The following MBD2 variants were observed in gnomAD, a reference collection of about 807,000 sequenced individuals.
The protein encoded by MBD2 is methyl-CpG-binding domain protein 2.
MBD2 carries 9 observed loss-of-function variants against 39.3 expected under a neutral mutation model. The observed-to-expected ratio is 0.23, with a 90% CI of 0.14 to 0.40. The LOEUF (loss-of-function observed/expected upper bound fraction) is 0.40, where lower values mean the gene tolerates loss of function less well. Among genes scored for constraint, MBD2 ranks in the 10% least tolerant of loss-of-function variants. MBD2 has a pLI of 1.00. For missense variants in MBD2, 458 were observed against 532.6 expected, an observed-to-expected ratio of 0.86 and a Z score of 1.38; for synonymous variants, 233 against 211.1, an observed-to-expected ratio of 1.10 and a Z score of -0.90.
At chr18:54,156,322 C>T (rs2086051252) in intron 6 of MBD2, among the ~76,000 whole-genome samples, 1 of 152,164 alleles carries the variant, frequency 6.6e-6, no homozygotes, top group Admixed American at 6.5e-5. Flanking sequence ...GGGAAGATAA[C>T]ATAAATAATT....
intron 2 of MBD2, among the ~76,000 whole-genome samples, chr18:54,201,859 T>A (rs1270323066): frequency 3.7e-5 from 5 of 136,752 alleles, no homozygotes; most frequent in African/African-American, 5.6e-5. Flanking sequence ...CGAGACTCCA[T>A]CTCAAAAAAA....
At chr18:54,175,509 T>C (rs886102259) in intron 3 of MBD2, among the ~76,000 whole-genome samples, 1 of 152,224 alleles carries the variant, frequency 6.6e-6, no homozygotes, top group Non-Finnish European at 1.5e-5. Context: ...CCAACTTCTC[T>C]TCTCACATTT....
At chr18:54,161,105 C>T (rs1192951590) in intron 5 of MBD2, among the ~76,000 whole-genome samples, 1 of 152,154 alleles carries the variant, frequency 6.6e-6, no homozygotes, top group Admixed American at 6.5e-5. Flanking sequence ...TGAGTATTCA[C>T]TCCATAGGGG....
intron 3 of MBD2, among the ~76,000 whole-genome samples, chr18:54,183,025 G>T (rs762928351): frequency 6.6e-6 from 1 of 152,204 alleles, no homozygotes; most frequent in Non-Finnish European, 1.5e-5. Flanking sequence ...CAGGAGGTAG[G>T]ATCGATAGGA....
chr18:54,172,430 T>C (rs1482952776), intron 3 of MBD2, among the ~76,000 whole-genome samples: 2 of 152,168 alleles, frequency 1.3e-5, no homozygotes. Flanking sequence ...GGAGCAAGTA[T>C]TTCAAAAAAT....
chr18:54,206,615 A>C (rs1022922654), intron 1 of MBD2, among the ~76,000 whole-genome samples: 1 of 152,134 alleles, frequency 6.6e-6, no homozygotes, highest in African/African-American at 2.4e-5. Flanking sequence ...CTTGTCACAA[A>C]CTCTTTGGTA....
At chr18:54,177,605 G>A (rs923290939) in intron 3 of MBD2, among the ~76,000 whole-genome samples, 1 of 151,372 alleles carries the variant, frequency 6.6e-6, no homozygotes, top group Non-Finnish European at 1.5e-5. Flanking sequence ...CTCGGCCTCC[G>A]GAGTAGCTGG....
intron 2 of MBD2, among the ~76,000 whole-genome samples, chr18:54,197,717 C>A (rs114501397): frequency 0.017 from 2,601 of 152,274 alleles, 70 homozygotes; most frequent in African/African-American, 0.058. Context: ...CCACTTCTAT[C>A]TCCACGGGCA....
chr18:54,196,716 C>T (rs944226554), intron 2 of MBD2, among the ~76,000 whole-genome samples: 1 of 152,132 alleles, frequency 6.6e-6, no homozygotes, highest in Non-Finnish European at 1.5e-5. Flanking sequence ...ACTCTGTCTC[C>T]GAATCTCCCT....
intron 5 of MBD2, among the ~76,000 whole-genome samples, chr18:54,163,170 G>C (rs949573024): frequency 6.6e-6 from 1 of 152,148 alleles, no homozygotes; most frequent in African/African-American, 2.4e-5. Context: ...TACTCGGGCG[G>C]CTGAGGCAGG....
chr18:54,160,778 T>C (rs1368959292), intron 5 of MBD2, among the ~76,000 whole-genome samples: 1 of 150,108 alleles, frequency 6.7e-6, no homozygotes, highest in Non-Finnish European at 1.5e-5. Flanking sequence ...GAAGCAAAGG[T>C]TGAAGAAAGA....
In MBD2 at chr18:54,190,201, T is replaced by A. The variant is rs554867167; in HGVS notation, c.703-1190A>T. ...AGTGTTCCTTATTTTTAATATACAG[T>A]AGGTCTTTGAATAATGTCGTTTTGT... On this transcript the variant is annotated intron_variant, in intron 2 of 6. Coordinates refer to ENST00000256429, the MANE Select transcript of MBD2 (RefSeq NM_003927.5). Among the ~76,000 whole-genome samples, 32 of 152,270 alleles carry A rather than the reference T, an allele frequency of 2.1e-4. No individual in the cohort carries two copies. The East Asian group carries it at 2.7e-3, about 13-fold the overall frequency.
At chr18:54,165,015 A>T (rs1010255056) in intron 4 of MBD2, among the ~76,000 whole-genome samples, 1 of 152,246 alleles carries the variant, frequency 6.6e-6, no homozygotes, top group Non-Finnish European at 1.5e-5. Flanking sequence ...TTTCCAAGGT[A>T]CTAAACTTTT....
At position 54,224,076 on chromosome 18, in the gene MBD2, C is replaced by T; in HGVS notation, c.484G>A (p.Glu162Lys). 6.2e-7 allele frequency: 1 copy of T among 1,602,566 alleles called. No individual in the cohort carries two copies. The highest frequency in any genetic ancestry group is 8.5e-7 in the Non-Finnish European group (1 of 1,176,708). The change falls in exon 1 of 7, where the codon GAG (glutamate) becomes AAG (lysine). Residue 162 changes from glutamate to lysine, a missense_variant. By Grantham distance (56) the Glu-to-Lys change is moderately conservative. This residue lies in a region of MBD2 where 269 missense variants were observed against 236.0 expected (regional missense o/e 1.14). Coordinates refer to ENST00000256429, the MANE Select transcript of MBD2 (RefSeq NM_003927.5). The part of the protein sequence containing the change: ...CPALPPGWKK[E>K]EVIRKSGLSA... ...AGCCCAGATTTTCGGATCACTTCCT[C>T]CTTCTTCCATCCGGGGGGGAGGGCC...
intron 1 of MBD2, chr18:54,222,420 T>C (rs774719632): frequency 2.0e-6 from 1 of 496,370 alleles, no homozygotes; most frequent in Non-Finnish European, 4.0e-6. Flanking sequence ...TCACAATAAC[T>C]TTCTTACCAT....
intron 3 of MBD2, among the ~76,000 whole-genome samples, chr18:54,174,763 C>G (rs558593103): frequency 6.6e-5 from 10 of 152,234 alleles, no homozygotes; most frequent in Admixed American, 2.6e-4. Context: ...ATAAATGAAA[C>G]ATGAAATTTT....
intron 2 of MBD2, among the ~76,000 whole-genome samples, chr18:54,201,193 C>T (rs115422201): frequency 0.018 from 2,672 of 152,280 alleles, 81 homozygotes; most frequent in African/African-American, 0.061. Flanking sequence ...CCTGGATATG[C>T]TGCTCTGTAA....
Position 54,178,530 on chromosome 18 carries a change from G to A in MBD2, c.840+10344C>T, listed in dbSNP as rs143008246. The stretch of plus-strand genomic sequence containing the variant: ...AGAAAGCTGGAAATAAAAAGAAAGT[G>A]CAAAGAAATAGCAAACAAATACAGG... On this transcript the variant is annotated intron_variant, in intron 3 of 6. Transcript: ENST00000256429. Among the ~76,000 whole-genome samples the A allele has an allele frequency of 5.0e-3, 765 of 151,938 alleles. 8 individuals carry two copies. The highest frequency in any genetic ancestry group is 0.017 in the African/African-American group (697 of 41,468).
intron 1 of MBD2, among the ~76,000 whole-genome samples, chr18:54,213,667 A>C (rs1450082760): frequency 6.6e-6 from 1 of 152,218 alleles, no homozygotes; most frequent in African/African-American, 2.4e-5. Flanking sequence ...TCAGAAATTA[A>C]GTATGTTTGG....
Sources: gnomAD v4.1 joint callset for allele counts (sites outside exome capture counted in the v4.1 genomes callset) on GRCh38, gnomAD v4.1.1 for gene constraint, gnomAD v4.1.1 regional missense constraint, MANE v1.5 for transcripts, NCBI Gene and HGNC (gene_info 2026-07-23, HGNC 2026-07-21) for gene names.